The following CLSTN2 variants were observed in gnomAD, a reference collection of about 807,000 sequenced individuals.
CLSTN2 encodes calsyntenin-2.
Under a neutral mutation model 101.2 loss-of-function variants are expected in CLSTN2, and 48 were observed. That is an observed-to-expected ratio of 0.47 (90% CI 0.38 to 0.60). The LOEUF is 0.60. Ranked by LOEUF, CLSTN2 falls within the 20% of genes least tolerant of loss-of-function variation. The pLI is 0.00. For missense variants in CLSTN2, 1,160 were observed against 1,238.2 expected, an observed-to-expected ratio of 0.94 and a Z score of 0.95; for synonymous variants, 481 against 463.6, an observed-to-expected ratio of 1.04 and a Z score of -0.48.
chr3:140,269,316 T>G (rs1383903651), intron 2 of CLSTN2, among the ~76,000 whole-genome samples: 1 of 152,204 alleles, frequency 6.6e-6, no homozygotes, highest in Non-Finnish European at 1.5e-5. Context: ...AAAACATTAT[T>G]GGGCCAAATG....
rs1935006169 is a variant in CLSTN2, at chr3:139,935,655, G to A, written c.109+172G>A. Among the ~76,000 whole-genome samples the A allele has an allele frequency of 6.6e-6, 1 of 152,194 alleles. No homozygotes were observed. The highest frequency in any genetic ancestry group is 2.4e-5 in the African/African-American group (1 of 41,450). On this transcript the variant is annotated intron_variant, in intron 1 of 16. Coordinates refer to ENST00000458420, the MANE Select transcript of CLSTN2 (RefSeq NM_022131.3). The surrounding 1 kb of genome is among the most constrained non-coding windows in gnomAD (Gnocchi z 5.5). ...AGTCAGTTCCCTGCGCAGCGGACCA[G>A]AGAGGTCCACCCGCGGACGTCAACT...
intron 2 of CLSTN2, among the ~76,000 whole-genome samples, chr3:140,220,082 A>G (rs2086253153): frequency 1.3e-5 from 2 of 152,224 alleles, no homozygotes; most frequent in Admixed American, 1.3e-4. Flanking sequence ...TGTACTCTGA[A>G]CTGCTATGCT....
At chr3:140,552,029 G>A (rs1335494717) in intron 10 of CLSTN2, among the ~76,000 whole-genome samples, 1 of 151,996 alleles carries the variant, frequency 6.6e-6, no homozygotes, top group East Asian at 1.9e-4. Context: ...TATGGACCAT[G>A]GGCAGGCAGG....
chr3:140,327,443 A>G (rs543204584), intron 2 of CLSTN2, among the ~76,000 whole-genome samples: 7 of 152,194 alleles, frequency 4.6e-5, no homozygotes, highest in Non-Finnish European at 8.8e-5. Flanking sequence ...TTGTACCTTG[A>G]TAGGATTAGT....
At chr3:140,168,480 T>C (rs2010166107) in intron 1 of CLSTN2, among the ~76,000 whole-genome samples, 1 of 152,114 alleles carries the variant, frequency 6.6e-6, no homozygotes, top group African/African-American at 2.4e-5. Context: ...TTAGAGTTTT[T>C]CAAGAAAATA....
intron 1 of CLSTN2, among the ~76,000 whole-genome samples, chr3:139,949,542 C>T (rs1009055782): frequency 1.3e-5 from 2 of 152,124 alleles, no homozygotes; most frequent in Admixed American, 6.5e-5. Flanking sequence ...GGGTTAGGGA[C>T]CTTTTGGGTA....
intron 1 of CLSTN2, among the ~76,000 whole-genome samples, chr3:139,962,787 C>T (rs1935534137): frequency 6.6e-6 from 1 of 152,108 alleles, no homozygotes; most frequent in South Asian, 2.1e-4. Flanking sequence ...ATTTGTTTCT[C>T]CATTCAGCTG....
chr3:140,134,314 C>A (rs1040664681), intron 1 of CLSTN2, among the ~76,000 whole-genome samples: 1 of 152,110 alleles, frequency 6.6e-6, no homozygotes, highest in Admixed American at 6.6e-5. Context: ...CTTTCCACTG[C>A]AGTTAGAACT....
intron 2 of CLSTN2, among the ~76,000 whole-genome samples, chr3:140,254,172 T>C (rs1326489660): frequency 1.3e-5 from 2 of 152,212 alleles, no homozygotes; most frequent in African/African-American, 2.4e-5. Context: ...TGAGAAGAGA[T>C]GCAGATCCTT....
rs148348746 is a variant in CLSTN2 at position 140,562,406 on chromosome 3, G to A, written c.2212+98G>A. On this transcript the variant is annotated intron_variant, in intron 13 of 16. Coordinates refer to ENST00000458420, the MANE Select transcript of CLSTN2 (RefSeq NM_022131.3). Reference sequence around the variant, plus strand: ...GAGATTGCACCTGTGAAGGAGCACTGTGAAGCCCCAGGGACCAGTTGGAGA... The same window carrying A: ...GAGATTGCACCTGTGAAGGAGCACTATGAAGCCCCAGGGACCAGTTGGAGA... 705 of 1,202,944 alleles carry A rather than the reference G, an allele frequency of 5.9e-4. 10 individuals carry two copies. The East Asian group carries it at 0.016, about 28-fold the overall frequency. The allele number at this position is 1,202,944 out of a possible 1,614,324, so 74.5% of individuals were successfully genotyped here.
At chr3:140,173,125 A>G (rs2107827231) in intron 1 of CLSTN2, among the ~76,000 whole-genome samples, 1 of 152,342 alleles carries the variant, frequency 6.6e-6, no homozygotes, top group East Asian at 1.9e-4. Context: ...ATGAACTTGT[A>G]AAATCAAAAG....
intron 1 of CLSTN2, among the ~76,000 whole-genome samples, chr3:139,987,663 G>C (rs1420548667): frequency 6.6e-6 from 1 of 152,198 alleles, no homozygotes; most frequent in East Asian, 1.9e-4. Flanking sequence ...CATCATTGTT[G>C]TCAGTGGAAT....
At position 140,274,880 on chromosome 3, in the gene CLSTN2, T is replaced by C. The variant is rs527797484; in HGVS notation, c.232+98807T>C. ...AAATATTCCAGACACTTTGCTTCTGTGCAACAGCCACTTCTGGCGAGCATG... is the reference window on the plus strand; with the variant it reads ...AAATATTCCAGACACTTTGCTTCTGCGCAACAGCCACTTCTGGCGAGCATG... On this transcript the variant is annotated intron_variant, in intron 2 of 16. Transcript: ENST00000458420. Among the ~76,000 whole-genome samples, 14 of 152,280 alleles carry C rather than the reference T, an allele frequency of 9.2e-5. No homozygotes were observed. The East Asian group carries it at 2.7e-3, about 29-fold the overall frequency.
At chr3:140,051,275 T>C (rs375952156) in intron 1 of CLSTN2, among the ~76,000 whole-genome samples, 4 of 152,246 alleles carry the variant, frequency 2.6e-5, no homozygotes, top group East Asian at 1.9e-4. Context: ...TTGTGGGATG[T>C]GTAATTTGCA....
chr3:140,482,762 T>G (rs921002840), intron 8 of CLSTN2, among the ~76,000 whole-genome samples: 1 of 152,198 alleles, frequency 6.6e-6, no homozygotes, highest in African/African-American at 2.4e-5. Flanking sequence ...GATGGTAGTT[T>G]GTATTTCTGT....
intron 2 of CLSTN2, among the ~76,000 whole-genome samples, chr3:140,381,892 T>C (rs1037960281): frequency 1.2e-4 from 18 of 152,216 alleles, no homozygotes; most frequent in African/African-American, 4.1e-4. Context: ...CTTCAAAGAA[T>C]AAATCTGGGG....
At chr3:140,291,318 C>T (rs184997605) in intron 2 of CLSTN2, among the ~76,000 whole-genome samples, 171 of 151,948 alleles carry the variant, frequency 1.1e-3, no homozygotes, top group Non-Finnish European at 2.2e-4. Flanking sequence ...TCCTCCCTTC[C>T]TAATATGTAT....
At chr3:140,122,333 T>C (rs1197124896) in intron 1 of CLSTN2, among the ~76,000 whole-genome samples, 11 of 152,172 alleles carry the variant, frequency 7.2e-5, no homozygotes, top group Admixed American at 7.2e-4. Context: ...GGCTGGCCCC[T>C]CTTCAAAGCT....
At chr3:140,039,904 A>G (rs1419729931) in intron 1 of CLSTN2, among the ~76,000 whole-genome samples, 1 of 152,236 alleles carries the variant, frequency 6.6e-6, no homozygotes, top group African/African-American at 2.4e-5. Context: ...ACTTCTAAGT[A>G]TCAAGTATGT....
Sources: allele counts gnomAD v4.1 joint callset (sites outside exome capture counted in the v4.1 genomes callset), GRCh38; gene constraint gnomAD v4.1.1; non-coding constraint Gnocchi (gnomAD v3.1); transcripts MANE v1.5; gene names NCBI Gene and HGNC (gene_info 2026-07-23, HGNC 2026-07-21).